Variants in THADA observed in about 807,000 individuals in gnomAD.
The protein encoded by THADA is THADA armadillo repeat containing.
In THADA, 213 loss-of-function variants were observed where a neutral mutation model predicts 219.8. The ratio of observed to expected loss-of-function variants is 0.97; its 90% CI spans 0.87 to 1.09. The LOEUF (loss-of-function observed/expected upper bound fraction) is 1.09. THADA is among the 50% of genes least tolerant of loss of function. THADA has a pLI of 0.00. For missense variants in THADA, 2,956 were observed against 2,311.3 expected, an observed-to-expected ratio of 1.28 and a Z score of -5.72; for synonymous variants, 1,018 against 828.9, an observed-to-expected ratio of 1.23 and a Z score of -3.92.
chr2:43,482,675 T>C (rs1315837439), intron 26 of THADA, among the ~76,000 whole-genome samples: 3 of 152,210 alleles, frequency 2.0e-5, no homozygotes, highest in Non-Finnish European at 4.4e-5. Flanking sequence ...GCCTTCTATA[T>C]GCCAGATACT....
chr2:43,416,577 G>C (rs922846934), intron 28 of THADA, among the ~76,000 whole-genome samples: 1 of 152,092 alleles, frequency 6.6e-6, no homozygotes, highest in African/African-American at 2.4e-5. Flanking sequence ...ACAAAAATGT[G>C]GCATCTCTTG....
At chr2:43,566,424 G>C (rs1385549979) in intron 15 of THADA, 2 of 701,720 alleles carry the variant, frequency 2.9e-6, no homozygotes, top group Admixed American at 2.2e-5. Flanking sequence ...AAACAAATTA[G>C]TGAGGTAATA....
In THADA at chr2:43,586,425, A is replaced by C. The variant is rs1407807074; in HGVS notation, c.509T>G (p.Leu170Ter). ...KNVLHFLQKSLIEILEENRKC... is the reference protein window; with the variant it reads ...KNVLHFLQKS The stretch of plus-strand genomic sequence containing the variant: ...CCTATTTTCTTCCAGGATTTCAATT[A>C]AACTCTTCTGCAGAAAATGAAGCAC... Residue 170 changes from leucine to a stop codon, truncating the protein, a stop_gained, in exon 7 of 38, where the codon TTA becomes TGA. Coordinates refer to ENST00000405975, the MANE Select transcript of THADA (RefSeq NM_022065.5). LOFTEE classifies it high-confidence loss of function. 6.3e-7 allele frequency: 1 copy of C among 1,583,762 alleles called. No individual in the cohort carries two copies. Among genetic ancestry groups the C allele is most frequent in the East Asian group, 2.3e-5 (1 of 44,142 alleles).
chr2:43,302,305 A>AT (rs1017048992), intron 31 of THADA, among the ~76,000 whole-genome samples: 1 of 151,882 alleles, frequency 6.6e-6, no homozygotes, highest in Non-Finnish European at 1.5e-5. Context: ...AGTTAGAGTG[A>AT]TTTTTTTCTA....
intron 25 of THADA, among the ~76,000 whole-genome samples, 195 bp from the exon 26 acceptor site, chr2:43,485,520 A>G (rs980816584): frequency 6.6e-6 from 1 of 152,198 alleles, no homozygotes; most frequent in Non-Finnish European, 1.5e-5. Context: ...ATTGAGCTCT[A>G]CAACCCAATC....
chr2:43,247,660 C>T (rs1460259236), intron 36 of THADA, among the ~76,000 whole-genome samples: 1 of 125,952 alleles, frequency 7.9e-6, no homozygotes, highest in Non-Finnish European at 1.6e-5. Flanking sequence ...ACCCAGGAGG[C>T]GGAGGTTGCA....
intron 21 of THADA, among the ~76,000 whole-genome samples, chr2:43,531,499 A>C (rs568047677): frequency 6.6e-6 from 1 of 152,368 alleles, no homozygotes; most frequent in East Asian, 1.9e-4. Flanking sequence ...ATCCGATTAC[A>C]AATGACTAGT....
intron 36 of THADA, among the ~76,000 whole-genome samples, chr2:43,273,270 CAAAAA>C (rs978782406): frequency 8.6e-6 from 1 of 115,940 alleles, no homozygotes; most frequent in Non-Finnish European, 1.8e-5. Context: ...ACAACAACAA[CAAAAA>C]AAAAAAAAAG....
chr2:43,543,404 T>C (rs1353873700), intron 20 of THADA, among the ~76,000 whole-genome samples: 1 of 151,290 alleles, frequency 6.6e-6, no homozygotes, highest in African/African-American at 2.4e-5. Context: ...ATGGGATGGC[T>C]GGCTCAAATG....
At chr2:43,323,807 G>T (rs1327848037) in intron 30 of THADA, among the ~76,000 whole-genome samples, 1 of 152,230 alleles carries the variant, frequency 6.6e-6, no homozygotes, top group Non-Finnish European at 1.5e-5. Flanking sequence ...ACCGGGCCAT[G>T]TAAGATGGGA....
intron 30 of THADA, among the ~76,000 whole-genome samples, chr2:43,320,827 C>G (rs1678621196): frequency 6.6e-6 from 1 of 152,144 alleles, no homozygotes; most frequent in Non-Finnish European, 1.5e-5. Context: ...CACCAAGATC[C>G]TATCTTAGTT....
chr2:43,418,880 GAGA>G (rs1677341543), intron 28 of THADA, among the ~76,000 whole-genome samples: 1 of 152,172 alleles, frequency 6.6e-6, no homozygotes, highest in African/African-American at 2.4e-5. Context: ...AAGCAGAAAT[GAGA>G]AGGAATGAAA....
chr2:43,324,856 G>A (rs1408340322), intron 30 of THADA, among the ~76,000 whole-genome samples: 1 of 152,078 alleles, frequency 6.6e-6, no homozygotes, highest in East Asian at 1.9e-4. Flanking sequence ...CTGGCATGGA[G>A]CACAGCATAA....
chr2:43,316,237 G>C (rs1678064526), intron 31 of THADA, among the ~76,000 whole-genome samples: 1 of 152,064 alleles, frequency 6.6e-6, no homozygotes, highest in Non-Finnish European at 1.5e-5. Flanking sequence ...TCTTTCTTTA[G>C]TGCCTCAAAT....
chr2:43,561,141 T>C (rs576283269), intron 15 of THADA, among the ~76,000 whole-genome samples: 4 of 152,242 alleles, frequency 2.6e-5, no homozygotes, highest in African/African-American at 7.2e-5. Flanking sequence ...AGGAATCTTT[T>C]GGCCCTTCAG....
chr2:43,502,662 A>C (rs1284494278), intron 24 of THADA, among the ~76,000 whole-genome samples: 2 of 151,764 alleles, frequency 1.3e-5, no homozygotes, highest in African/African-American at 4.8e-5. Context: ...CTTGGGGTAT[A>C]ATTTCTGAAA....
intron 25 of THADA, among the ~76,000 whole-genome samples, chr2:43,497,177 C>T (rs751237580): frequency 6.6e-6 from 1 of 152,126 alleles, no homozygotes; most frequent in Non-Finnish European, 1.5e-5. Flanking sequence ...CCCAACAATG[C>T]CATTACTGGA....
intron 26 of THADA, among the ~76,000 whole-genome samples, chr2:43,480,920 T>C (rs1383119574): frequency 1.3e-5 from 2 of 152,192 alleles, no homozygotes; most frequent in Non-Finnish European, 2.9e-5. Context: ...CAAGTTACTA[T>C]GTAGTTCGAA....
At chr2:43,442,526 A>C (rs1396957797) in intron 26 of THADA, among the ~76,000 whole-genome samples, 2 of 152,214 alleles carry the variant, frequency 1.3e-5, no homozygotes, top group African/African-American at 4.8e-5. Context: ...GACAGCATGC[A>C]AGGGAAAAGT....
Sources: gnomAD v4.1 joint callset for allele counts (sites outside exome capture counted in the v4.1 genomes callset) on GRCh38, gnomAD v4.1.1 for gene constraint, MANE v1.5 for transcripts, NCBI Gene and HGNC (gene_info 2026-07-23, HGNC 2026-07-21) for gene names.